The following XCR1 variants were observed in gnomAD, a reference collection of about 807,000 sequenced individuals.
XCR1 encodes the protein chemokine XC receptor 1.
For missense variants in XCR1, 356 were observed against 424.2 expected (o/e 0.84, Z 1.41); for synonymous variants, 187 against 188.5 (o/e 0.99, Z 0.06).
At position 46,022,090 on chromosome 3, in the gene XCR1, A is replaced by T. The variant is rs1189031858; in HGVS notation, c.-31-112T>A. ...CAAAGGGAGAGGATTGCTTGACCCCAGGAGTTTGAGACCATCCCAGGCAAT... is the reference window on the plus strand; with the variant it reads ...CAAAGGGAGAGGATTGCTTGACCCCTGGAGTTTGAGACCATCCCAGGCAAT... On this transcript the variant is annotated intron_variant, in intron 1 of 1. Coordinates refer to ENST00000309285, the MANE Select transcript of XCR1 (RefSeq NM_001024644.2). 11 of 948,266 alleles carry T rather than the reference A, an allele frequency of 1.2e-5. No individual in the cohort carries two copies. In the East Asian group the frequency reaches 2.9e-4, roughly 25 times the overall value. 58.7% of individuals were successfully genotyped at this position (948,266 alleles called of 1,614,324 possible). A position where few individuals can be genotyped will look rare whatever the true frequency, so the allele number is the denominator to read the frequency against.
intron 3 of XCR1, among the ~76,000 whole-genome samples, chr3:46,074,194 C>T (rs1046063606): frequency 4.2e-5 from 6 of 143,864 alleles, no homozygotes; most frequent in African/African-American, 1.3e-4. Flanking sequence ...AGCAGCAACA[C>T]GAATGGAACT....
upstream of XCR1, chr3:46,027,579 G>A (rs1708321231): frequency 1.4e-5 from 1 of 69,164 alleles, no homozygotes. Context: ...GACAGCTAGT[G>A]AGAGAGGAGG....
At chr3:46,066,710 C>G (rs2125902022) in intron 4 of XCR1, among the ~76,000 whole-genome samples, 1 of 152,278 alleles carries the variant, frequency 6.6e-6, no homozygotes, top group Middle Eastern at 3.4e-3. Context: ...AAGAAGGAAG[C>G]CAGGCAGAGT....
chr3:46,080,184 C>CA (rs202215316), intron 1 of XCR1, among the ~76,000 whole-genome samples: 57,835 of 131,888 alleles, frequency 0.44, 15,466 homozygotes, highest in African/African-American at 0.78. Context: ...GTCCTTGTCT[C>CA]AAAAAAAAAA....
intron 5 of XCR1, among the ~76,000 whole-genome samples, chr3:46,052,054 A>T (rs1697757489): frequency 6.6e-6 from 1 of 152,122 alleles, no homozygotes. Flanking sequence ...AAAAAACTTG[A>T]ATTTCTCCTT....
chr3:46,059,012 C>G (rs1322773435), intron 4 of XCR1, among the ~76,000 whole-genome samples: 1 of 152,162 alleles, frequency 6.6e-6, no homozygotes, highest in African/African-American at 2.4e-5. Context: ...GCAGAAGCAG[C>G]CCTTTTACTG....
At chr3:46,044,644 C>G (rs1346442023) in intron 5 of XCR1, among the ~76,000 whole-genome samples, 1 of 152,074 alleles carries the variant, frequency 6.6e-6, no homozygotes, top group African/African-American at 2.4e-5. Flanking sequence ...ACACAGATTA[C>G]TTATAGCAGA....
At chr3:46,072,143 T>C (rs1392074454) in intron 3 of XCR1, among the ~76,000 whole-genome samples, 1 of 152,148 alleles carries the variant, frequency 6.6e-6, no homozygotes, top group East Asian at 1.9e-4. Context: ...AGCATTTCTA[T>C]AAACCAATAA....
intron 1 of XCR1, chr3:46,023,507 T>A: frequency 6.4e-7 from 1 of 1,569,204 alleles, no homozygotes. Flanking sequence ...CTCCTCCTCA[T>A]CCAAGAGAGA....
At chr3:46,057,882 G>GTCTA (rs147836844) in intron 4 of XCR1, among the ~76,000 whole-genome samples, 17,008 of 134,536 alleles carry the variant, frequency 0.13, 1,136 homozygotes, top group East Asian at 0.15. Flanking sequence ...TTATCTGTCT[G>GTCTA]TCTATCTATC....
intron 5 of XCR1, among the ~76,000 whole-genome samples, chr3:46,052,364 C>T (rs1159950846): frequency 6.6e-6 from 1 of 152,120 alleles, no homozygotes; most frequent in Non-Finnish European, 1.5e-5. Flanking sequence ...GTCCAGGCCC[C>T]CGTCTCATTT....
At chr3:46,039,150 A>G (rs1464339334) in intron 5 of XCR1, among the ~76,000 whole-genome samples, 2 of 149,486 alleles carry the variant, frequency 1.3e-5, no homozygotes, top group Non-Finnish European at 3.0e-5. Context: ...CTAGAAACCA[A>G]TCTTGGAAAT....
chr3:46,065,465 C>T (rs1157326083), intron 4 of XCR1, among the ~76,000 whole-genome samples: 1 of 152,230 alleles, frequency 6.6e-6, no homozygotes, highest in Non-Finnish European at 1.5e-5. Context: ...CTACAACAAG[C>T]TCCGGCAGCT....
intron 1 of XCR1, among the ~76,000 whole-genome samples, chr3:46,025,656 G>C (rs1708273462): frequency 6.6e-6 from 1 of 152,166 alleles, no homozygotes; most frequent in African/African-American, 2.4e-5. Context: ...CCCTACATTT[G>C]TTATAGAAAT....
At chr3:46,027,892 A>G (rs967885145), upstream of XCR1, 6 of 152,186 alleles carry the variant, frequency 3.9e-5, no homozygotes, top group African/African-American at 1.2e-4. Context: ...TTTCATTTGC[A>G]TAAAGTGTAA....
At chr3:46,062,014 A>T (rs764241791) in intron 4 of XCR1, among the ~76,000 whole-genome samples, 1 of 152,118 alleles carries the variant, frequency 6.6e-6, no homozygotes, top group Non-Finnish European at 1.5e-5. Flanking sequence ...TCATGAAGGG[A>T]GTGCCATAAG....
At chr3:46,031,276 G>A (rs2102056), upstream of XCR1, among the ~76,000 whole-genome samples, 30,344 of 152,148 alleles carry the variant, frequency 0.2, 4,438 homozygotes, top group African/African-American at 0.4. Context: ...CTGCACTGTC[G>A]GGGGCCTGGG....
chr3:46,061,736 G>C (rs1268237848), intron 4 of XCR1, among the ~76,000 whole-genome samples: 2 of 152,150 alleles, frequency 1.3e-5, no homozygotes, highest in African/African-American at 2.4e-5. Flanking sequence ...AGGTACAGAG[G>C]ATGGGGGTTA....
At chr3:46,024,502 A>G (rs1384207625) in intron 1 of XCR1, among the ~76,000 whole-genome samples, 2 of 152,260 alleles carry the variant, frequency 1.3e-5, no homozygotes, top group African/African-American at 2.4e-5. Flanking sequence ...GTTAAAATGT[A>G]TAAAATATGT....
Sources: allele counts gnomAD v4.1 joint callset (sites outside exome capture counted in the v4.1 genomes callset), GRCh38; gene constraint gnomAD v4.1.1; transcripts MANE v1.5; gene names NCBI Gene and HGNC (gene_info 2026-07-23, HGNC 2026-07-21).